SGCZ: variants seen among roughly 807,000 people sequenced by gnomAD.
SGCZ encodes the protein sarcoglycan zeta, also known as zeta-sarcoglycan.
SGCZ carries 40 observed loss-of-function variants against 41.3 expected under a neutral mutation model. The ratio of observed to expected loss-of-function variants is 0.97; its 90% CI spans 0.75 to 1.26. The LOEUF (loss-of-function observed/expected upper bound fraction) is 1.26, where lower values mean the gene tolerates loss of function less well. Ranked by LOEUF, SGCZ falls within the 50% of genes most tolerant of loss-of-function variation. SGCZ has a pLI of 0.00. For synonymous variants in SGCZ, 206 were observed against 137.5 expected (o/e 1.50, Z -3.49); for missense variants, 552 against 369.8 (o/e 1.49, Z -4.04).
chr8:14,217,877 C>T (rs1039015115), intron 4 of SGCZ, among the ~76,000 whole-genome samples: 2 of 151,784 alleles, frequency 1.3e-5, no homozygotes, highest in Non-Finnish European at 2.9e-5. Flanking sequence ...GTGATCCACC[C>T]GCCTCAGCCT....
intron 3 of SGCZ, among the ~76,000 whole-genome samples, chr8:14,245,506 A>G (rs1418698795): frequency 1.3e-5 from 2 of 152,218 alleles, no homozygotes; most frequent in African/African-American, 4.8e-5. Context: ...AAGAAAACCT[A>G]GGCATTACCA....
At chr8:14,374,169 G>C (rs1045513628) in intron 2 of SGCZ, among the ~76,000 whole-genome samples, 1 of 152,088 alleles carries the variant, frequency 6.6e-6, no homozygotes, top group African/African-American at 2.4e-5. Flanking sequence ...CTTGAGTCCA[G>C]GAGTCAGAGA....
chr8:14,142,047 C>A (rs1803386811), intron 5 of SGCZ, among the ~76,000 whole-genome samples: 2 of 152,160 alleles, frequency 1.3e-5, no homozygotes, highest in African/African-American at 4.8e-5. Flanking sequence ...AACCATCATA[C>A]TGAGCAAACT....
chr8:15,048,087 C>T (rs1053267289), intron 1 of SGCZ, among the ~76,000 whole-genome samples: 6 of 151,870 alleles, frequency 4.0e-5, no homozygotes, highest in Admixed American at 2.0e-4. Context: ...GTCAATCTAC[C>T]ATTCATTGGC....
In SGCZ at chr8:14,805,583, G is replaced by A. The variant is rs1017084436; in HGVS notation, c.40-250657C>T. ...AGGAGCACCCAGATTCATAAAGCACGTCCTGAGTGACCTACAAAGAGACTT... is the reference window on the plus strand; with the variant it reads ...AGGAGCACCCAGATTCATAAAGCACATCCTGAGTGACCTACAAAGAGACTT... On this transcript the variant is annotated intron_variant, in intron 1 of 7. Coordinates refer to ENST00000382080, the MANE Select transcript of SGCZ (RefSeq NM_139167.4). Among the ~76,000 whole-genome samples, 50 of 134,196 alleles carry A rather than the reference G, an allele frequency of 3.7e-4. 1 individual carries two copies. Among genetic ancestry groups the A allele is most frequent in the Middle Eastern group, 4.0e-3 (1 of 248 alleles). The allele number at this position is 134,196 out of a possible 152,430, so 88.0% of individuals were successfully genotyped here.
chr8:14,607,010 T>A (rs1003098958), intron 1 of SGCZ, among the ~76,000 whole-genome samples: 1 of 152,174 alleles, frequency 6.6e-6, no homozygotes, highest in Non-Finnish European at 1.5e-5. Context: ...CATCATATAA[T>A]CAGGCAGCAT....
intron 1 of SGCZ, among the ~76,000 whole-genome samples, chr8:14,633,537 A>G (rs1806727715): frequency 6.6e-6 from 1 of 151,974 alleles, no homozygotes; most frequent in South Asian, 2.1e-4. Flanking sequence ...TTCTAACTAG[A>G]ATAAAAAGTT....
chr8:14,864,301 G>C (rs1244209303), intron 1 of SGCZ, among the ~76,000 whole-genome samples: 1 of 152,004 alleles, frequency 6.6e-6, no homozygotes, highest in Non-Finnish European at 1.5e-5. Context: ...GTGTCAACCA[G>C]TCTTACAATT....
rs190335582 is a variant in SGCZ at position 15,066,061 on chromosome 8, C to T, written c.39+171524G>A. Among the ~76,000 whole-genome samples the T allele has an allele frequency of 9.4e-3, 1,424 of 152,142 alleles. 23 individuals are homozygous for T. Among genetic ancestry groups the T allele is most frequent in the African/African-American group, 0.033 (1,355 of 41,524 alleles). ...CGGTGGCTCACGCCTGTAATCCCAG[C>T]ACTTTGGGAGGCCGAGGCGGGTGGA... On this transcript the variant is annotated intron_variant, in intron 1 of 7. Transcript: ENST00000382080.
intron 1 of SGCZ, among the ~76,000 whole-genome samples, chr8:14,864,872 G>C (rs1232034201): frequency 6.6e-6 from 1 of 151,928 alleles, no homozygotes; most frequent in Admixed American, 6.6e-5. Flanking sequence ...TTCTAACTTG[G>C]TTGAGATAGT....
At chr8:14,879,455 G>T (rs919534686) in intron 1 of SGCZ, among the ~76,000 whole-genome samples, 1 of 152,010 alleles carries the variant, frequency 6.6e-6, no homozygotes, top group African/African-American at 2.4e-5. Context: ...AACTAGCCAA[G>T]CTTTTTTTGA....
chr8:14,710,019 T>G (rs570959904), intron 1 of SGCZ, among the ~76,000 whole-genome samples: 1 of 152,202 alleles, frequency 6.6e-6, no homozygotes, highest in Admixed American at 6.5e-5. Flanking sequence ...TCCATTAAGC[T>G]CCCTTCTGTC....
intron 1 of SGCZ, among the ~76,000 whole-genome samples, chr8:14,561,835 T>C (rs781223108): frequency 4.6e-5 from 7 of 152,156 alleles, no homozygotes; most frequent in Non-Finnish European, 8.8e-5. Context: ...GTAAATAACA[T>C]TTCTGGCAAG....
intron 5 of SGCZ, among the ~76,000 whole-genome samples, chr8:14,132,503 A>C (rs1803072296): frequency 6.6e-6 from 1 of 152,172 alleles, no homozygotes; most frequent in Admixed American, 6.5e-5. Flanking sequence ...AAATCTTCTA[A>C]ACAATACGTT....
chr8:14,776,533 T>C (rs1386298766), intron 1 of SGCZ, among the ~76,000 whole-genome samples: 3 of 149,120 alleles, frequency 2.0e-5, no homozygotes, highest in Non-Finnish European at 3.0e-5. Context: ...TTTTTTTTTT[T>C]TTTGAGATGG....
chr8:14,367,148 C>T (rs990466191), intron 2 of SGCZ, among the ~76,000 whole-genome samples: 1 of 152,116 alleles, frequency 6.6e-6, no homozygotes, highest in African/African-American at 2.4e-5. Context: ...TTCCACAGAT[C>T]TTCGGGACAG....
chr8:14,376,383 C>T (rs1263014698), intron 2 of SGCZ, among the ~76,000 whole-genome samples: 5 of 151,912 alleles, frequency 3.3e-5, no homozygotes, highest in African/African-American at 1.2e-4. Context: ...ACAACACAAA[C>T]ATACAAAATG....
chr8:14,950,511 T>C (rs948162108), intron 1 of SGCZ, among the ~76,000 whole-genome samples: 2 of 152,084 alleles, frequency 1.3e-5, no homozygotes, highest in African/African-American at 4.8e-5. Context: ...TAACTGTTGA[T>C]AATCACCATT....
chr8:14,806,923 C>T (rs1206616836), intron 1 of SGCZ, among the ~76,000 whole-genome samples: 1 of 150,748 alleles, frequency 6.6e-6, no homozygotes, highest in East Asian at 2.0e-4. Flanking sequence ...AAGGCTGGTT[C>T]AATATATGCA....
Sources: gnomAD v4.1 joint callset for allele counts (sites outside exome capture counted in the v4.1 genomes callset) on GRCh38, gnomAD v4.1.1 for gene constraint, MANE v1.5 for transcripts, NCBI Gene and HGNC (gene_info 2026-07-23, HGNC 2026-07-21) for gene names.